APELA: variants seen among roughly 807,000 people sequenced by gnomAD.
APELA encodes the protein protein Elabela.
intron 2 of APELA, among the ~76,000 whole-genome samples, chr4:164,880,614 A>G (rs1212173706): frequency 6.6e-6 from 1 of 152,198 alleles, no homozygotes; most frequent in African/African-American, 2.4e-5. Flanking sequence ...TTTTTCCAGC[A>G]CTCCTTCATA....
chr4:164,884,599 G>T (rs185444779), intron 2 of APELA, among the ~76,000 whole-genome samples: 4 of 151,902 alleles, frequency 2.6e-5, no homozygotes, highest in Non-Finnish European at 5.9e-5. Context: ...ACTGTGTTTG[G>T]ACCTACTAGA....
At chr4:164,887,616 AT>A (rs59819450) in intron 2 of APELA, among the ~76,000 whole-genome samples, 16,875 of 147,936 alleles carry the variant, frequency 0.11, 1,374 homozygotes, top group Middle Eastern at 0.2. Flanking sequence ...ATCTTACTAA[AT>A]TTTTTTTTTT....
In APELA at chr4:164,896,413, A is replaced by G. The variant is rs1237951443; in HGVS notation, c.*999A>G. 9 of 152,142 alleles carry G rather than the reference A, an allele frequency of 5.9e-5. No individual in the cohort carries two copies. Among genetic ancestry groups the G allele is most frequent in the African/African-American group, 2.2e-4 (9 of 41,432 alleles). 9.4% of individuals were successfully genotyped at this position (152,142 alleles called of 1,614,324 possible). ...CCTTTGAAGTTTTGTTATGTCCTTT[A>G]TTATTTTGTATGGATAATTTCTTTA... On this transcript the variant is annotated 3_prime_UTR_variant, in exon 3 of 3. Coordinates refer to ENST00000507152, the MANE Select transcript of APELA (RefSeq NM_001297550.2).
chr4:164,882,306 T>A (rs1273913627), intron 2 of APELA, among the ~76,000 whole-genome samples: 1 of 152,078 alleles, frequency 6.6e-6, no homozygotes, highest in Non-Finnish European at 1.5e-5. Flanking sequence ...TTTCTCCATG[T>A]TGGTCAGGTT....
chr4:164,887,014 G>C (rs1220164346), intron 2 of APELA, among the ~76,000 whole-genome samples: 1 of 151,996 alleles, frequency 6.6e-6, no homozygotes, highest in Non-Finnish European at 1.5e-5. Flanking sequence ...TTTTAGTAGA[G>C]ACGGGGTTTC....
At chr4:164,882,826 T>A (rs1365527740) in intron 2 of APELA, among the ~76,000 whole-genome samples, 2 of 151,562 alleles carry the variant, frequency 1.3e-5, no homozygotes, top group Non-Finnish European at 2.9e-5. Flanking sequence ...AATTCCCACC[T>A]GTGAGAACAT....
chr4:164,878,992 G>C lies in APELA; in HGVS notation c.149G>C (p.Arg50Pro). The change falls in exon 2 of 3, where the codon CGA becomes CCA. Residue 50 changes from arginine (R) to proline (P), a missense_variant. Coordinates refer to ENST00000507152, the MANE Select transcript of APELA (RefSeq NM_001297550.2). ...AGGAGATGTATGCCTCTCCATTCACGAGTACCCTTTCCCTGAGGTATTTCT... is the reference window on the plus strand; with the variant it reads ...AGGAGATGTATGCCTCTCCATTCACCAGTACCCTTTCCCTGAGGTATTTCT... ...LQRRCMPLHS[R>P]VPFP 2.5e-6 allele frequency: 1 copy of C among 398,900 alleles called. No individual in the cohort carries two copies. The highest frequency in any genetic ancestry group is 4.4e-6 in the Non-Finnish European group (1 of 226,018). The allele number at this position is 398,900 out of a possible 1,614,324, so 24.7% of individuals were successfully genotyped here. A position where few individuals can be genotyped will look rare whatever the true frequency, so the allele number is the denominator to read the frequency against.
At chr4:164,882,836 T>C (rs998960713) in intron 2 of APELA, among the ~76,000 whole-genome samples, 1 of 151,920 alleles carries the variant, frequency 6.6e-6, no homozygotes, top group Non-Finnish European at 1.5e-5. Flanking sequence ...TGTGAGAACA[T>C]GCGGTGTTTG....
intron 2 of APELA, among the ~76,000 whole-genome samples, chr4:164,891,105 A>G (rs559580535): frequency 6.6e-6 from 1 of 152,272 alleles, no homozygotes; most frequent in South Asian, 2.1e-4. Flanking sequence ...AGATATATAT[A>G]TATGTGTGTG....
downstream of APELA, among the ~76,000 whole-genome samples, chr4:164,898,565 C>T (rs1381034832): frequency 6.6e-6 from 1 of 150,696 alleles, no homozygotes; most frequent in African/African-American, 2.4e-5. Flanking sequence ...AAGGAAAAGA[C>T]TTTACAGAGC....
chr4:164,877,562 A>G (rs868570838), intron 1 of APELA, among the ~76,000 whole-genome samples, 155 bp downstream of exon 1: 5 of 152,178 alleles, frequency 3.3e-5, no homozygotes, highest in Non-Finnish European at 7.3e-5. Context: ...TATGCTATCT[A>G]TCCTGTTGGG....
intron 2 of APELA, among the ~76,000 whole-genome samples, chr4:164,888,850 T>C (rs1462644580): frequency 6.6e-6 from 1 of 152,210 alleles, no homozygotes; most frequent in Non-Finnish European, 1.5e-5. Context: ...GTCAAATATG[T>C]CATGTTCCTT....
rs1730607003 is a variant in APELA, at chr4:164,878,968, G to C, written c.125G>C (p.Arg42Thr). The C allele has an allele frequency of 2.5e-6, 1 of 398,966 alleles. No individual in the cohort carries two copies. Among genetic ancestry groups the C allele is most frequent in the Non-Finnish European group, 4.4e-6 (1 of 226,030 alleles). The allele number at this position is 398,966 out of a possible 1,614,324, so 24.7% of individuals were successfully genotyped here. A position where few individuals can be genotyped will look rare whatever the true frequency, so the allele number is the denominator to read the frequency against. ...RKLRKHNCLQ[R>T]RCMPLHSRVP... is the part of the protein sequence containing the mutation. ...CTGCGCAAACACAATTGCCTTCAGAGGAGATGTATGCCTCTCCATTCACGA... is the reference window on the plus strand; with the variant it reads ...CTGCGCAAACACAATTGCCTTCAGACGAGATGTATGCCTCTCCATTCACGA... The change falls in exon 2 of 3, where the codon AGG becomes ACG. Residue 42 changes from arginine to threonine, a missense_variant. Arg to Thr is a moderately conservative substitution (Grantham distance 71, BLOSUM62 -1). Coordinates refer to ENST00000507152, the MANE Select transcript of APELA (RefSeq NM_001297550.2).
intron 2 of APELA, among the ~76,000 whole-genome samples, chr4:164,893,121 A>G (rs1398789069): frequency 6.6e-6 from 1 of 152,052 alleles, no homozygotes. Flanking sequence ...TGTAATCATT[A>G]TTATTTCCTT....
chr4:164,884,135 G>C (rs967998296), intron 2 of APELA, among the ~76,000 whole-genome samples: 56 of 142,828 alleles, frequency 3.9e-4, no homozygotes, highest in African/African-American at 1.5e-3. Flanking sequence ...AAGAAAGAAA[G>C]AAAGAAAGAA....
At chr4:164,884,220 GAGGA>G (rs1398445419) in intron 2 of APELA, among the ~76,000 whole-genome samples, 3 of 152,032 alleles carry the variant, frequency 2.0e-5, no homozygotes, top group South Asian at 2.1e-4. Context: ...GAAAGAAAAA[GAGGA>G]AGGAAGAGAA....
chr4:164,881,630 A>G (rs1036753953), intron 2 of APELA, among the ~76,000 whole-genome samples: 5 of 152,048 alleles, frequency 3.3e-5, no homozygotes, highest in Non-Finnish European at 7.4e-5. Context: ...ATGCAAGTCT[A>G]CAGGTTAATG....
intron 2 of APELA, among the ~76,000 whole-genome samples, chr4:164,892,204 T>G (rs557683137): frequency 6.6e-6 from 1 of 152,166 alleles, no homozygotes; most frequent in South Asian, 2.1e-4. Context: ...CGGTCCCAGC[T>G]ACTCAGGAAG....
At chr4:164,892,138 C>T (rs1033177301) in intron 2 of APELA, among the ~76,000 whole-genome samples, 1 of 151,888 alleles carries the variant, frequency 6.6e-6, no homozygotes, top group Non-Finnish European at 1.5e-5. Flanking sequence ...TAGCAAAACC[C>T]CATCTCTGCA....
Sources: allele counts gnomAD v4.1 joint callset (sites outside exome capture counted in the v4.1 genomes callset), GRCh38; gene constraint gnomAD v4.1.1; transcripts MANE v1.5; gene names NCBI Gene and HGNC (gene_info 2026-07-23, HGNC 2026-07-21).